The following ZFP3 variants were observed in gnomAD, a reference collection of about 807,000 sequenced individuals.
ZFP3 encodes the protein ZFP3 zinc finger protein, also known as zinc finger protein 3 homolog.
Under a neutral mutation model 36.7 loss-of-function variants are expected in ZFP3, and 18 were observed. The ratio of observed to expected loss-of-function variants is 0.49; its 90% confidence interval spans 0.34 to 0.73. ZFP3 has a LOEUF of 0.73. Among genes scored for constraint, ZFP3 ranks in the 30% least tolerant of loss-of-function variants. The pLI, the probability that ZFP3 is intolerant of heterozygous loss-of-function variation, is 0.01. For synonymous variants in ZFP3, 218 were observed against 199.0 expected (o/e 1.10, Z -0.81); for missense variants, 495 against 599.0 (o/e 0.83, Z 1.81).
chr17:5,092,117 G>C lies in ZFP3; in HGVS notation c.613G>C (p.Ala205Pro). The change falls in exon 2 of 2, where the codon GCC becomes CCC. Residue 205 changes from alanine (A) to proline (P), a missense_variant. By Grantham distance (27) the Ala-to-Pro change is conservative. This residue lies in a region of ZFP3 where 103 missense variants were observed against 186.8 expected (regional missense o/e 0.55). Transcript: ENST00000318833. This position sits in a 1 kb window ranked among gnomAD's most constrained non-coding sequence, Gnocchi z 5.0. ...KPFACNECGK[A>P]FIQSSHLIHH... is the part of the protein sequence containing the mutation. ...CTTTGCTTGTAATGAATGTGGAAAG[G>C]CCTTCATTCAGAGTTCACACCTTAT... 1 of 1,614,166 alleles carries C rather than the reference G, an allele frequency of 6.2e-7. No individual in the cohort carries two copies. Among genetic ancestry groups the C allele is most frequent in the Non-Finnish European group, 8.5e-7 (1 of 1,180,038 alleles).
At chr17:5,086,036 A>G (rs1183157489) in intron 1 of ZFP3, among the ~76,000 whole-genome samples, 1 of 152,244 alleles carries the variant, frequency 6.6e-6, no homozygotes, top group Non-Finnish European at 1.5e-5. Context: ...TTACAATTGT[A>G]TAGATACACA....
rs1376554901 is a variant in ZFP3 at position 5,094,703 on chromosome 17, ATATT to A, written c.*1695_*1698del. The stretch of plus-strand genomic sequence containing the variant: ...TTTGTTACACTAATATTAGTCACTA[ATATT>A]TATTGAGTGTTTACTACCTGACAGG... On this transcript the variant is annotated 3_prime_UTR_variant, in exon 2 of 2. Transcript: ENST00000318833. 1 of 167,068 alleles carries A rather than the reference ATATT, an allele frequency of 6.0e-6. No individual in the cohort carries two copies. Among genetic ancestry groups the A allele is most frequent in the African/African-American group, 2.4e-5 (1 of 41,440 alleles). The allele number at this position is 167,068 out of a possible 1,614,324, so 10.3% of individuals were successfully genotyped here.
intron 1 of ZFP3, among the ~76,000 whole-genome samples, chr17:5,081,667 T>A (rs2072094058): frequency 1.3e-5 from 2 of 151,672 alleles, no homozygotes. Context: ...AGTGGTGCGA[T>A]CTTGGCTCAC....
At chr17:5,085,554 G>T (rs1462737693) in intron 1 of ZFP3, among the ~76,000 whole-genome samples, 2 of 152,010 alleles carry the variant, frequency 1.3e-5, no homozygotes, top group Non-Finnish European at 2.9e-5. Flanking sequence ...ATTTTTAGTA[G>T]AGATGGAGTT....
rs564836784 is a variant in ZFP3, at chr17:5,081,007, C to G, written c.-9+2432C>G. ...ATCATTAGCCTCCACATCAAAATGT[C>G]AGTGCTGCCTGGCTCATCTCCCCTC... is the stretch of plus-strand genomic sequence containing the variant. On this transcript the variant is annotated intron_variant, in intron 1 of 1. Transcript: ENST00000318833. Among the ~76,000 whole-genome samples, 3 of 152,222 alleles carry G rather than the reference C, an allele frequency of 2.0e-5. No individual in the cohort carries two copies. The East Asian group carries it at 5.8e-4, about 29-fold the overall frequency.
intron 1 of ZFP3, among the ~76,000 whole-genome samples, chr17:5,080,385 G>A (rs1274574564): frequency 6.6e-6 from 1 of 152,178 alleles, no homozygotes; most frequent in Non-Finnish European, 1.5e-5. Context: ...CAGTTGGAGT[G>A]TCCTGCTGGA....
At position 5,094,506 on chromosome 17, in the gene ZFP3, T is replaced by C. The variant is rs2072169681; in HGVS notation, c.*1493T>C. ...ATGGGGGCCCAACAGGCCTGGGGGC[T>C]GGTCTTAGCGCTAGACCTTGAACAA... On this transcript the variant is annotated 3_prime_UTR_variant, in exon 2 of 2. Coordinates refer to ENST00000318833, the MANE Select transcript of ZFP3 (RefSeq NM_153018.3). 6.0e-6 allele frequency: 1 copy of C among 167,146 alleles called. No individual in the cohort carries two copies. Among genetic ancestry groups the C allele is most frequent in the African/African-American group, 2.4e-5 (1 of 41,472 alleles). 10.4% of individuals were successfully genotyped at this position (167,146 alleles called of 1,614,324 possible).
At chr17:5,089,980 C>G (rs539360643) in intron 1 of ZFP3, among the ~76,000 whole-genome samples, 1 of 152,226 alleles carries the variant, frequency 6.6e-6, no homozygotes, top group East Asian at 1.9e-4. Flanking sequence ...TTTAAGTAAT[C>G]TATGAAGGTA....
chr17:5,094,600 A>G lies in ZFP3; in HGVS notation c.*1587A>G, dbSNP rs1031611992. 2 of 167,114 alleles carry G rather than the reference A, an allele frequency of 1.2e-5. No homozygotes were observed. The highest frequency in any genetic ancestry group is 2.4e-5 in the African/African-American group (1 of 41,460). 10.4% of individuals were successfully genotyped at this position (167,114 alleles called of 1,614,324 possible). A position where few individuals can be genotyped will look rare whatever the true frequency, so the allele number is the denominator to read the frequency against. ...AAAGAGTTGAACTAAGTGATCTCAA[A>G]AGTTTCAACCAGCCCGATAATTCCT... is the stretch of plus-strand genomic sequence containing the variant. On this transcript the variant is annotated 3_prime_UTR_variant, in exon 2 of 2. Coordinates refer to ENST00000318833, the MANE Select transcript of ZFP3 (RefSeq NM_153018.3).
rs771453312 is a variant in ZFP3 at position 5,091,707 on chromosome 17, A to C, written c.203A>C (p.Asp68Ala). The stretch of plus-strand genomic sequence containing the variant: ...GAGCAGATGTCTCCTCAGGAGAGAG[A>C]CTTTCCATCAGGGTTGATGATCTTT... ...VIEQMSPQER[D>A]FPSGLMIFKK... The change falls in exon 2 of 2, where the codon GAC becomes GCC. Residue 68 changes from aspartate to alanine, a missense_variant. Around this residue, in one of 3 missense-constraint regions of ZFP3, gnomAD observed 229 missense variants for 233.8 expected, o/e 0.98. Coordinates refer to ENST00000318833, the MANE Select transcript of ZFP3 (RefSeq NM_153018.3). 1 of 1,614,212 alleles carries C rather than the reference A, an allele frequency of 6.2e-7. No individual in the cohort carries two copies.
chr17:5,079,967 A>G (rs1365520953), intron 1 of ZFP3, among the ~76,000 whole-genome samples: 1 of 151,944 alleles, frequency 6.6e-6, no homozygotes, highest in African/African-American at 2.4e-5. Context: ...TGAGCCTGGG[A>G]GGCGGAGGTT....
At chr17:5,083,846 A>ATTTTCCTTTC (rs2072106379) in intron 1 of ZFP3, among the ~76,000 whole-genome samples, 1 of 148,790 alleles carries the variant, frequency 6.7e-6, no homozygotes, top group African/African-American at 2.5e-5. Context: ...TTCCATGCAG[A>ATTTTCCTTTC]TTTTCTTTTC....
In ZFP3 at chr17:5,091,669, G is replaced by A. The variant is rs1000747607; in HGVS notation, c.165G>A (p.Met55Ile). The A allele has an allele frequency of 6.2e-7, 1 of 1,614,228 alleles. No individual in the cohort carries two copies. The highest frequency in any genetic ancestry group is 8.5e-7 in the Non-Finnish European group (1 of 1,180,048). The change falls in exon 2 of 2, where the codon ATG becomes ATA. Residue 55 changes from methionine to isoleucine, a missense_variant. Transcript: ENST00000318833. ...TGGAGGGACATTCGAGAGAGTCCAT[G>A]GAAGAGGTTATAGAGCAGATGTCTC... ...DMLEGHSRES[M>I]EEVIEQMSPQ...
At chr17:5,082,119 G>A (rs560179396) in intron 1 of ZFP3, among the ~76,000 whole-genome samples, 22 of 151,780 alleles carry the variant, frequency 1.4e-4, no homozygotes, top group South Asian at 4.2e-4. Context: ...AGGCCGAGGC[G>A]GGTGGATCAT....
intron 1 of ZFP3, among the ~76,000 whole-genome samples, chr17:5,084,013 CCCA>C (rs2072107752): frequency 6.6e-6 from 1 of 151,808 alleles, no homozygotes; most frequent in African/African-American, 2.4e-5. Flanking sequence ...ATTATAAGCA[CCCA>C]CCATCATGCC....
chr17:5,093,204 G>A lies in ZFP3; in HGVS notation c.*191G>A. On this transcript the variant is annotated 3_prime_UTR_variant, in exon 2 of 2. Coordinates refer to ENST00000318833, the MANE Select transcript of ZFP3 (RefSeq NM_153018.3). ...TTTTTTTTTTTTTTTAAGCATTGGG[G>A]TCTTGCTCTGTTGCCCAGGATGGGA... 7.0e-6 allele frequency: 4 copies of A among 574,748 alleles called. No individual in the cohort carries two copies. The highest frequency in any genetic ancestry group is 6.3e-5 in the East Asian group (2 of 31,638). The allele number at this position is 574,748 out of a possible 1,614,324, so 35.6% of individuals were successfully genotyped here.
At chr17:5,091,105 C>T (rs1168451900) in intron 1 of ZFP3, among the ~76,000 whole-genome samples, 1 of 152,054 alleles carries the variant, frequency 6.6e-6, no homozygotes, top group Non-Finnish European at 1.5e-5. Context: ...ATCAGCATCT[C>T]TTTACCATCC....
intron 1 of ZFP3, among the ~76,000 whole-genome samples, chr17:5,079,480 T>G (rs2072082387): frequency 6.6e-6 from 1 of 151,826 alleles, no homozygotes; most frequent in Non-Finnish European, 1.5e-5. Flanking sequence ...GCAGTGAGTC[T>G]GGGCAATAGA....
At position 5,092,919 on chromosome 17, in the gene ZFP3, C is replaced by G. The variant is rs777255505; in HGVS notation, c.1415C>G (p.Thr472Ser). Residue 472 changes from threonine to serine, a missense_variant, in exon 2 of 2, where the codon ACT (threonine) becomes AGT (serine). Physicochemically the swap from Thr to Ser is moderately conservative, Grantham distance 58. Coordinates refer to ENST00000318833, the MANE Select transcript of ZFP3 (RefSeq NM_153018.3). The surrounding 1 kb of genome is among the most constrained non-coding windows in gnomAD (Gnocchi z 5.0). The stretch of plus-strand genomic sequence containing the variant: ...CTTATCATACATCAGAGAATTCACA[C>G]TGGAGAGAAGCCTTATGAGTGCCAA... The part of the protein sequence containing the change: ...SQLIIHQRIH[T>S]GEKPYECQEC... 6.2e-7 allele frequency: 1 copy of G among 1,614,214 alleles called. No homozygotes were observed. Among genetic ancestry groups the G allele is most frequent in the Non-Finnish European group, 8.5e-7 (1 of 1,180,042 alleles).
Sources: allele counts gnomAD v4.1 joint callset (sites outside exome capture counted in the v4.1 genomes callset), GRCh38; gene constraint gnomAD v4.1.1; regional missense constraint gnomAD v4.1.1; non-coding constraint Gnocchi (gnomAD v3.1); transcripts MANE v1.5; gene names NCBI Gene and HGNC (gene_info 2026-07-23, HGNC 2026-07-21).